The following P3H2 variants were observed in gnomAD, a reference collection of about 807,000 sequenced individuals.
P3H2 encodes leprecan-like 1.
A neutral mutation model predicts 87.0 loss-of-function variants in P3H2; 80 were observed. That is an observed-to-expected ratio of 0.92 (90% confidence interval 0.77 to 1.11). The LOEUF (loss-of-function observed/expected upper bound fraction) is 1.11. Ranked by LOEUF, P3H2 falls within the 50% of genes least tolerant of loss-of-function variation. P3H2 has a pLI of 0.00. For missense variants in P3H2, 1,001 were observed against 923.9 expected (o/e 1.08, Z -1.08); for synonymous variants, 367 against 359.3 (o/e 1.02, Z -0.24).
intron 1 of P3H2, among the ~76,000 whole-genome samples, chr3:190,057,256 C>T (rs1428838351): frequency 6.6e-6 from 1 of 152,104 alleles, no homozygotes; most frequent in African/African-American, 2.4e-5. Flanking sequence ...GTTAGAAATG[C>T]AAATCTCAAA....
At chr3:190,102,051 T>C (rs1711644447) in intron 1 of P3H2, among the ~76,000 whole-genome samples, 1 of 152,214 alleles carries the variant, frequency 6.6e-6, no homozygotes, top group South Asian at 2.1e-4. Flanking sequence ...GTTTACTGAG[T>C]ATTTTAAGCC....
chr3:190,016,769 C>T (rs1364497030), intron 1 of P3H2, among the ~76,000 whole-genome samples: 1 of 152,182 alleles, frequency 6.6e-6, no homozygotes, highest in African/African-American at 2.4e-5. Flanking sequence ...GCATCTTCTG[C>T]AGAGTTCTGT....
chr3:190,087,417 G>A (rs1241178826), intron 1 of P3H2, among the ~76,000 whole-genome samples: 3 of 151,504 alleles, frequency 2.0e-5, no homozygotes, highest in East Asian at 3.9e-4. Flanking sequence ...GGTGGCGGGC[G>A]CCTGTAGTCC....
At chr3:189,999,211 T>C (rs1443848645) in intron 1 of P3H2, among the ~76,000 whole-genome samples, 1 of 152,228 alleles carries the variant, frequency 6.6e-6, no homozygotes, top group Non-Finnish European at 1.5e-5. Context: ...AACTGGGTCC[T>C]TTTCTCAAAT....
At chr3:190,006,534 T>A (rs1023249354) in intron 1 of P3H2, among the ~76,000 whole-genome samples, 62 of 152,346 alleles carry the variant, frequency 4.1e-4, no homozygotes, top group African/African-American at 1.4e-3. Context: ...AGGATCCTAA[T>A]CTTTTAGTAA....
rs148028052 is a variant in P3H2 at position 189,978,362 on chromosome 3, C to T, written c.1325-3677G>A. On this transcript the variant is annotated intron_variant, in intron 8 of 14. Transcript: ENST00000319332. ...TATAAGTATGTATTATCATTACTAT[C>T]GTTATTGTTGAATTAATAAGCTACA... 2.6e-3 allele frequency among the ~76,000 whole-genome samples: 398 copies of T among 152,240 alleles called. 1 individual carries two copies. The highest frequency in any genetic ancestry group is 9.3e-3 in the African/African-American group (388 of 41,562).
At chr3:190,056,790 T>A (rs1726175194) in intron 1 of P3H2, among the ~76,000 whole-genome samples, 1 of 152,172 alleles carries the variant, frequency 6.6e-6, no homozygotes, top group Non-Finnish European at 1.5e-5. Flanking sequence ...AGGAGCTGGA[T>A]TAGAAAAGCA....
chr3:190,117,036 T>C (rs541964882), intron 1 of P3H2, among the ~76,000 whole-genome samples: 7 of 152,328 alleles, frequency 4.6e-5, no homozygotes, highest in African/African-American at 1.7e-4. Flanking sequence ...CAGCATTCTC[T>C]GGGACCTGAT....
chr3:190,064,604 T>G (rs905338727), intron 1 of P3H2, among the ~76,000 whole-genome samples: 1 of 152,182 alleles, frequency 6.6e-6, no homozygotes, highest in African/African-American at 2.4e-5. Flanking sequence ...GACAATGGTA[T>G]GCCAGATACT....
intron 1 of P3H2, among the ~76,000 whole-genome samples, chr3:190,025,537 G>A (rs181129510): frequency 3.0e-4 from 45 of 152,256 alleles, no homozygotes; most frequent in African/African-American, 1.1e-3. Flanking sequence ...GTATTCACCT[G>A]TGAGGGTTAT....
chr3:189,988,888 C>G lies in P3H2; in HGVS notation c.955+19G>C. ...ACCACAACCCCCCAAGAAGTCTTCA[C>G]GGATGATCCACGCTTTACCTCGATA... On this transcript the variant is annotated intron_variant, in intron 4 of 14. Coordinates refer to ENST00000319332, the MANE Select transcript of P3H2 (RefSeq NM_018192.4). The G allele has an allele frequency of 1.2e-6, 2 of 1,613,780 alleles. No individual in the cohort carries two copies. The highest frequency in any genetic ancestry group is 2.2e-5 in the East Asian group (1 of 44,868).
rs1722692723 is a variant in P3H2 at position 189,957,994 on chromosome 3, T to A, written c.2045A>T (p.Gln682Leu). ...DPLYRELERI[Q>L]ADEVIAILDQ... Reference sequence around the variant, plus strand: ...CAGAATTGCAATCACTTCATCAGCCTGTATTCGCTCCTGCAAAAAAGACAA... The same window carrying A: ...CAGAATTGCAATCACTTCATCAGCCAGTATTCGCTCCTGCAAAAAAGACAA... The change falls in exon 15 of 15, where the codon CAG becomes CTG. Residue 682 changes from glutamine to leucine, a missense_variant. Gln to Leu is a moderately radical substitution (Grantham distance 113). Coordinates refer to ENST00000319332, the MANE Select transcript of P3H2 (RefSeq NM_018192.4). 1 of 1,612,958 alleles carries A rather than the reference T, an allele frequency of 6.2e-7. No homozygotes were observed. Among genetic ancestry groups the A allele is most frequent in the Non-Finnish European group, 8.5e-7 (1 of 1,178,880 alleles).
intron 1 of P3H2, among the ~76,000 whole-genome samples, chr3:190,007,965 C>CACACATATATATAT: frequency 2.4e-4 from 23 of 94,346 alleles, no homozygotes; most frequent in African/African-American, 8.2e-4. Flanking sequence ...TGTTGACACA[C>CACACATATATATAT]ATATATATAT....
chr3:189,989,872 G>T (rs1156785080), intron 3 of P3H2, among the ~76,000 whole-genome samples: 1 of 152,122 alleles, frequency 6.6e-6, no homozygotes, highest in Non-Finnish European at 1.5e-5. Context: ...CTGAGATGAG[G>T]AAACACAAGT....
At chr3:190,067,577 C>T (rs1726551893) in intron 1 of P3H2, among the ~76,000 whole-genome samples, 1 of 152,090 alleles carries the variant, frequency 6.6e-6, no homozygotes, top group African/African-American at 2.4e-5. Flanking sequence ...TTCTGTGTCA[C>T]TCTCTGGTAT....
intron 1 of P3H2, among the ~76,000 whole-genome samples, chr3:190,110,878 G>A (rs1295527019): frequency 6.6e-6 from 1 of 152,122 alleles, no homozygotes; most frequent in Non-Finnish European, 1.5e-5. Context: ...TACATATTTT[G>A]CTTTTATCCA....
At chr3:190,093,890 T>A (rs979411863) in intron 1 of P3H2, among the ~76,000 whole-genome samples, 1 of 152,228 alleles carries the variant, frequency 6.6e-6, no homozygotes, top group African/African-American at 2.4e-5. Flanking sequence ...TAAGTTTAAA[T>A]GGCTCACTGA....
intron 1 of P3H2, among the ~76,000 whole-genome samples, chr3:190,025,780 C>T (rs1017594190): frequency 1.3e-5 from 2 of 152,218 alleles, no homozygotes; most frequent in South Asian, 2.1e-4. Flanking sequence ...AAACCTCAGT[C>T]GGGAATCTTA....
chr3:189,989,607 TG>T (rs1201816996), intron 3 of P3H2, among the ~76,000 whole-genome samples: 1 of 152,220 alleles, frequency 6.6e-6, no homozygotes, highest in Non-Finnish European at 1.5e-5. Context: ...TTAAACCTAT[TG>T]GTCAGAAACC....
Sources: allele counts gnomAD v4.1 joint callset (sites outside exome capture counted in the v4.1 genomes callset), GRCh38; gene constraint gnomAD v4.1.1; transcripts MANE v1.5; gene names NCBI Gene and HGNC (gene_info 2026-07-23, HGNC 2026-07-21).